JARID2: variants seen among roughly 807,000 people sequenced by gnomAD.
JARID2 encodes protein Jumonji.
In JARID2, 21 loss-of-function variants were observed where a neutral mutation model predicts 125.6. The ratio of observed to expected loss-of-function variants is 0.17; its 90% CI spans 0.12 to 0.24. JARID2 has a LOEUF of 0.24. Among genes scored for constraint, JARID2 ranks in the 10% least tolerant of loss-of-function variants. The pLI is 1.00. For synonymous variants in JARID2, 736 were observed against 661.6 expected (o/e 1.11, Z -1.73); for missense variants, 1,303 against 1,639.6 (o/e 0.79, Z 3.55).
chr6:15,512,479 C>T (rs145675400), intron 14 of JARID2, 89 bp downstream of exon 14: 10 of 1,211,768 alleles, frequency 8.3e-6, no homozygotes, highest in East Asian at 2.3e-5. Flanking sequence ...CCTGCGTGTG[C>T]GTGTCTATTT....
intron 16 of JARID2, among the ~76,000 whole-genome samples, chr6:15,514,371 C>T (rs1771444330): frequency 6.6e-6 from 1 of 152,226 alleles, no homozygotes; most frequent in Non-Finnish European, 1.5e-5. Context: ...CCTCACATCT[C>T]CAGTACAGAA....
intron 12 of JARID2, chr6:15,508,980 G>C: frequency 1.6e-6 from 2 of 1,289,390 alleles, no homozygotes; most frequent in Non-Finnish European, 2.0e-6. Flanking sequence ...TGTAGAGCCA[G>C]TGTTTCCTCA....
At chr6:15,435,734 AATAC>A (rs59769726) in intron 3 of JARID2, among the ~76,000 whole-genome samples, 2,661 of 152,270 alleles carry the variant, frequency 0.017, 79 homozygotes, top group African/African-American at 0.061. Flanking sequence ...ATTTTAAATA[AATAC>A]ATTTTACTAA....
chr6:15,371,414 A>G (rs1458000856), intron 1 of JARID2, among the ~76,000 whole-genome samples: 2 of 152,218 alleles, frequency 1.3e-5, no homozygotes, highest in African/African-American at 4.8e-5. Flanking sequence ...AACAGTGAGA[A>G]TAGGAACCTG....
At chr6:15,434,145 T>A (rs1356667163) in intron 3 of JARID2, among the ~76,000 whole-genome samples, 2 of 152,096 alleles carry the variant, frequency 1.3e-5, no homozygotes, top group East Asian at 3.9e-4. Flanking sequence ...AACAGTTTTT[T>A]TTTTTATTTT....
At chr6:15,499,919 G>A (rs1005921620) in intron 7 of JARID2, among the ~76,000 whole-genome samples, 8 of 152,150 alleles carry the variant, frequency 5.3e-5, no homozygotes, top group Admixed American at 3.9e-4. Flanking sequence ...AGTGGGTCCT[G>A]TCATGCTTGG....
At chr6:15,391,914 C>A (rs1765025177) in intron 2 of JARID2, among the ~76,000 whole-genome samples, 1 of 152,148 alleles carries the variant, frequency 6.6e-6, no homozygotes, top group African/African-American at 2.4e-5. Context: ...GTCAGGGAAG[C>A]ATTTGGATGC....
At chr6:15,350,803 G>C (rs1165061243) in intron 1 of JARID2, among the ~76,000 whole-genome samples, 1 of 141,266 alleles carries the variant, frequency 7.1e-6, no homozygotes, top group Non-Finnish European at 1.5e-5. Context: ...TTTGATTTTA[G>C]TGAAATATTT....
chr6:15,437,101 G>A (rs1416797371), intron 3 of JARID2, among the ~76,000 whole-genome samples: 1 of 152,180 alleles, frequency 6.6e-6, no homozygotes, highest in African/African-American at 2.4e-5. Context: ...ACAGGGGTGT[G>A]TGGTCATCTT....
intron 1 of JARID2, among the ~76,000 whole-genome samples, chr6:15,283,851 GCC>G (rs1561769047): frequency 6.6e-6 from 1 of 151,394 alleles, no homozygotes; most frequent in Non-Finnish European, 1.5e-5. Flanking sequence ...GACTACAGGC[GCC>G]TGCCACCATG....
rs80330725 is a variant in JARID2, at chr6:15,391,416, A to G, written c.181+17164A>G. 4.1e-3 allele frequency among the ~76,000 whole-genome samples: 622 copies of G among 152,242 alleles called. 1 individual carries two copies. Among genetic ancestry groups the G allele is most frequent in the African/African-American group, 0.014 (578 of 41,540 alleles). On this transcript the variant is annotated intron_variant, in intron 2 of 17. Coordinates refer to ENST00000341776, the MANE Select transcript of JARID2 (RefSeq NM_004973.4). ...GTTTCAGAGCCAGCATGTGGCATGT[A>G]ATGGAGGCTAGATCTGTGCCAGCTG...
intron 1 of JARID2, among the ~76,000 whole-genome samples, chr6:15,372,750 C>G (rs2127513488): frequency 6.6e-6 from 1 of 151,874 alleles, no homozygotes; most frequent in Admixed American, 6.6e-5. Context: ...CACTCTGTCT[C>G]CCAGGCTGGA....
chr6:15,495,768 G>A (rs1241448173), intron 6 of JARID2, among the ~76,000 whole-genome samples: 2 of 152,152 alleles, frequency 1.3e-5, no homozygotes, highest in Non-Finnish European at 2.9e-5. Context: ...AGAAGCTCAG[G>A]ACAGGTGATT....
intron 1 of JARID2, among the ~76,000 whole-genome samples, chr6:15,338,986 AG>A (rs770220247): frequency 6.6e-6 from 1 of 152,202 alleles, no homozygotes; most frequent in Non-Finnish European, 1.5e-5. Context: ...ACTGAGAAGC[AG>A]GCTGCTCTGC....
At chr6:15,317,054 G>C (rs774910944) in intron 1 of JARID2, among the ~76,000 whole-genome samples, 1 of 152,158 alleles carries the variant, frequency 6.6e-6, no homozygotes, top group Non-Finnish European at 1.5e-5. Context: ...TGAGTATAAT[G>C]GGTTGTGATT....
At chr6:15,373,103 A>G (rs1252252880) in intron 1 of JARID2, among the ~76,000 whole-genome samples, 3 of 152,232 alleles carry the variant, frequency 2.0e-5, no homozygotes, top group African/African-American at 7.2e-5. Flanking sequence ...GCTACAGAAG[A>G]GAACCTCTCA....
intron 2 of JARID2, among the ~76,000 whole-genome samples, chr6:15,375,388 G>T (rs181829776): frequency 2.6e-5 from 4 of 152,292 alleles, no homozygotes; most frequent in South Asian, 2.1e-4. Flanking sequence ...GCCTTTGGAG[G>T]TCAACCATTA....
intron 5 of JARID2, among the ~76,000 whole-genome samples, chr6:15,479,446 A>G (rs902530203): frequency 1.3e-5 from 2 of 152,258 alleles, no homozygotes; most frequent in Non-Finnish European, 2.9e-5. Context: ...TTATCATTGC[A>G]CATAATGCAT....
intron 1 of JARID2, among the ~76,000 whole-genome samples, chr6:15,339,141 C>A (rs540665182): frequency 3.3e-5 from 5 of 152,194 alleles, no homozygotes; most frequent in African/African-American, 1.2e-4. Context: ...GAAGCGGAGA[C>A]ACTTTCAGGT....
Sources: gnomAD v4.1 joint callset for allele counts (sites outside exome capture counted in the v4.1 genomes callset) on GRCh38, gnomAD v4.1.1 for gene constraint, MANE v1.5 for transcripts, NCBI Gene and HGNC (gene_info 2026-07-23, HGNC 2026-07-21) for gene names.